C3orf70: variants seen among roughly 807,000 people sequenced by gnomAD.
C3orf70 encodes the protein UPF0524 protein C3orf70.
A neutral mutation model predicts 20.7 loss-of-function variants in C3orf70; 15 were observed. The observed-to-expected ratio is 0.72, with a 90% confidence interval of 0.48 to 1.11. C3orf70 has a LOEUF of 1.11. Ranked by LOEUF, C3orf70 falls within the 50% of genes most tolerant of loss-of-function variation. The pLI is 0.00. For missense variants in C3orf70, 332 were observed against 317.6 expected, an observed-to-expected ratio of 1.05 and a Z score of -0.34; for synonymous variants, 161 against 125.7, an observed-to-expected ratio of 1.28 and a Z score of -1.88.
At chr3:185,094,074 G>GTTTTTTTTT (rs71162282) in intron 1 of C3orf70, among the ~76,000 whole-genome samples, 16 of 80,648 alleles carry the variant, frequency 2.0e-4, no homozygotes, top group African/African-American at 4.4e-4. Context: ...ATACCCTGGG[G>GTTTTTTTTT]TTTTTTTTTT....
chr3:185,138,839 C>T (rs879740170), intron 1 of C3orf70, among the ~76,000 whole-genome samples: 1 of 152,160 alleles, frequency 6.6e-6, no homozygotes, highest in Non-Finnish European at 1.5e-5. Context: ...GTGGCTCACA[C>T]CTGTAATCCC....
chr3:185,136,641 G>A (rs1163305885), intron 1 of C3orf70, among the ~76,000 whole-genome samples: 3 of 152,148 alleles, frequency 2.0e-5, no homozygotes, highest in South Asian at 4.2e-4. Context: ...GGAGAATGGC[G>A]TGAACCCGGG....
rs1295261221 is a variant in C3orf70, at chr3:185,082,404, C to G, written c.*603G>C. The G allele has an allele frequency of 6.5e-6, 1 of 153,588 alleles. No homozygotes were observed. The allele number at this position is 153,588 out of a possible 1,614,324, so 9.5% of individuals were successfully genotyped here. A position where few individuals can be genotyped will look rare whatever the true frequency, so the allele number is the denominator to read the frequency against. ...GTTTAGCTCAGCCCCAGTCACGGAGCCTTGTACAGACACTGGCCACAAACC... is the reference window on the plus strand; with the variant it reads ...GTTTAGCTCAGCCCCAGTCACGGAGGCTTGTACAGACACTGGCCACAAACC... On this transcript the variant is annotated 3_prime_UTR_variant, in exon 2 of 2. Coordinates refer to ENST00000335012, the MANE Select transcript of C3orf70 (RefSeq NM_001025266.3).
intron 1 of C3orf70, among the ~76,000 whole-genome samples, chr3:185,100,868 T>C (rs1010532111): frequency 6.6e-5 from 10 of 151,852 alleles, no homozygotes; most frequent in Admixed American, 2.0e-4. Context: ...ACAAATGAAC[T>C]CACAGAAATA....
chr3:185,085,484 T>C (rs1715440605), intron 1 of C3orf70, among the ~76,000 whole-genome samples: 1 of 152,116 alleles, frequency 6.6e-6, no homozygotes, highest in Non-Finnish European at 1.5e-5. Context: ...TGGGGTACCA[T>C]ATGAAAAAAG....
At chr3:185,146,031 G>A (rs1011721433) in intron 1 of C3orf70, among the ~76,000 whole-genome samples, 1 of 151,720 alleles carries the variant, frequency 6.6e-6, no homozygotes, top group Non-Finnish European at 1.5e-5. Flanking sequence ...CTCTATCTCT[G>A]GAAGAACCTA....
At chr3:185,098,957 T>TA (rs1346516637) in intron 1 of C3orf70, among the ~76,000 whole-genome samples, 1 of 152,230 alleles carries the variant, frequency 6.6e-6, no homozygotes, top group Non-Finnish European at 1.5e-5. Flanking sequence ...GATTTGGACT[T>TA]ACCAGTCTCT....
intron 1 of C3orf70, among the ~76,000 whole-genome samples, chr3:185,111,290 A>G (rs1486695387): frequency 8.5e-5 from 13 of 152,232 alleles, no homozygotes. Flanking sequence ...ACCATCAAGA[A>G]AGTGAAAAAA....
chr3:185,149,435 T>A (rs1378586311), intron 1 of C3orf70, among the ~76,000 whole-genome samples: 1 of 151,596 alleles, frequency 6.6e-6, no homozygotes, highest in African/African-American at 2.4e-5. Flanking sequence ...TATGATTGTG[T>A]CCTTAGACTC....
intron 1 of C3orf70, among the ~76,000 whole-genome samples, chr3:185,088,980 T>C (rs2108587603): frequency 6.6e-6 from 1 of 152,342 alleles, no homozygotes; most frequent in South Asian, 2.1e-4. Context: ...CAGCAGAGCC[T>C]GAAGAGGGGA....
intron 1 of C3orf70, among the ~76,000 whole-genome samples, chr3:185,101,081 C>A (rs1715812895): frequency 1.3e-5 from 2 of 152,070 alleles, no homozygotes; most frequent in South Asian, 4.2e-4. Context: ...CAGAGGGATT[C>A]ACAGGCAAAT....
At chr3:185,103,034 CA>C (rs1715853008) in intron 1 of C3orf70, among the ~76,000 whole-genome samples, 1 of 152,054 alleles carries the variant, frequency 6.6e-6, no homozygotes, top group Non-Finnish European at 1.5e-5. Flanking sequence ...CACCTGAGGT[CA>C]GGGGTTCGAG....
In C3orf70 at chr3:185,083,272, G is replaced by A. The variant is rs1251042921; in HGVS notation, c.488C>T (p.Ser163Phe). 1 of 1,614,212 alleles carries A rather than the reference G, an allele frequency of 6.2e-7. No individual in the cohort carries two copies. The highest frequency in any genetic ancestry group is 2.2e-5 in the East Asian group (1 of 44,890). The change falls in exon 2 of 2, where the codon TCT (serine) becomes TTT (phenylalanine). Residue 163 changes from serine (S) to phenylalanine (F), a missense_variant. By Grantham distance (155) the Ser-to-Phe change is radical (BLOSUM62 -2). Coordinates refer to ENST00000335012, the MANE Select transcript of C3orf70 (RefSeq NM_001025266.3). ...HSHRMSPEEV[S>F]AHDALISKES... is the part of the protein sequence containing the mutation. ...TTTTGAAATTAAGGCATCGTGTGCA[G>A]AGACCTCCTCAGGGCTCATTCTGTG... is the stretch of plus-strand genomic sequence containing the variant.
In C3orf70 at chr3:185,116,401, A is replaced by G. The variant is rs139045091; in HGVS notation, c.197-32838T>C. ...GATAGAATGTCATATCTACTCAAGGACTATATATTAACCAAAGGTAGTCTT... is the reference window on the plus strand; with the variant it reads ...GATAGAATGTCATATCTACTCAAGGGCTATATATTAACCAAAGGTAGTCTT... On this transcript the variant is annotated intron_variant, in intron 1 of 1. Coordinates refer to ENST00000335012, the MANE Select transcript of C3orf70 (RefSeq NM_001025266.3). Among the ~76,000 whole-genome samples the G allele has an allele frequency of 5.9e-5, 9 of 152,324 alleles. No individual in the cohort carries two copies. The East Asian group carries it at 1.7e-3, about 29-fold the overall frequency.
chr3:185,135,346 C>A (rs952000424), intron 1 of C3orf70, among the ~76,000 whole-genome samples: 1 of 152,138 alleles, frequency 6.6e-6, no homozygotes, highest in African/African-American at 2.4e-5. Flanking sequence ...CCAGGCCAGG[C>A]GCAGTGGCTC....
chr3:185,123,562 ACTCCTAGG>A (rs1014294689), intron 1 of C3orf70, among the ~76,000 whole-genome samples: 1 of 150,304 alleles, frequency 6.7e-6, no homozygotes, highest in African/African-American at 2.5e-5. Context: ...CTGGACTTGA[ACTCCTAGG>A]CTCAAGCGAT....
At chr3:185,121,795 A>T (rs964502248) in intron 1 of C3orf70, among the ~76,000 whole-genome samples, 4 of 152,192 alleles carry the variant, frequency 2.6e-5, no homozygotes, top group Non-Finnish European at 5.9e-5. Context: ...ATAAAGAAAT[A>T]AATTGGTTAA....
chr3:185,115,369 A>C (rs1186240773), intron 1 of C3orf70, among the ~76,000 whole-genome samples: 1 of 152,204 alleles, frequency 6.6e-6, no homozygotes, highest in Non-Finnish European at 1.5e-5. Flanking sequence ...CCCCCTGTAG[A>C]CTTTACAGTA....
chr3:185,093,703 G>C (rs6784530), intron 1 of C3orf70, among the ~76,000 whole-genome samples: 6 of 151,962 alleles, frequency 3.9e-5, no homozygotes, highest in African/African-American at 1.5e-4. Context: ...AGAAAACATG[G>C]AATGTAAATT....
Sources: gnomAD v4.1 joint callset for allele counts (sites outside exome capture counted in the v4.1 genomes callset) on GRCh38, gnomAD v4.1.1 for gene constraint, MANE v1.5 for transcripts, NCBI Gene and HGNC (gene_info 2026-07-23, HGNC 2026-07-21) for gene names.